Variants in ADGRB1 observed in about 807,000 individuals in gnomAD.
ADGRB1 encodes the protein adhesion G protein-coupled receptor B1.
Under a neutral mutation model 175.7 loss-of-function variants are expected in ADGRB1, and 36 were observed. The observed-to-expected ratio is 0.20, with a 90% CI of 0.16 to 0.27. The LOEUF is 0.27. Ranked by LOEUF, ADGRB1 falls within the 10% of genes least tolerant of loss-of-function variation. ADGRB1 has a pLI of 1.00. For synonymous variants in ADGRB1, 1,054 were observed against 979.4 expected, an observed-to-expected ratio of 1.08 and a Z score of -1.42; for missense variants, 1,731 against 2,255.3, an observed-to-expected ratio of 0.77 and a Z score of 4.71.
chr8:142,520,394 T>TTG (rs1843734114), intron 19 of ADGRB1, among the ~76,000 whole-genome samples: 1 of 48,150 alleles, frequency 2.1e-5, no homozygotes, highest in African/African-American at 7.2e-5. Context: ...ATGGTAGTGA[T>TTG]TGTGATGTTG....
At chr8:142,488,643 C>A in intron 14 of ADGRB1, 136 bp downstream of exon 14, 1 of 1,197,376 alleles carries the variant, frequency 8.4e-7, no homozygotes, top group Non-Finnish European at 1.1e-6. Context: ...TTCCAGGAAG[C>A]CCTCCTTGCC....
chr8:142,531,173 G>A (rs1365123410), intron 24 of ADGRB1, among the ~76,000 whole-genome samples: 2 of 152,184 alleles, frequency 1.3e-5, no homozygotes, highest in African/African-American at 2.4e-5. Flanking sequence ...CCAGGGTCCC[G>A]GCTCAAAGAA....
At chr8:142,513,538 C>T (rs146005276) in intron 18 of ADGRB1, among the ~76,000 whole-genome samples, 2 of 152,244 alleles carry the variant, frequency 1.3e-5, no homozygotes, top group Non-Finnish European at 2.9e-5. Flanking sequence ...CTTTGTCCAC[C>T]GTGCCGATCC....
At position 142,542,917 on chromosome 8, in the gene ADGRB1, C is replaced by A. The variant is rs1271427545; in HGVS notation, c.4413+270C>A. On this transcript the variant is annotated intron_variant, in intron 28 of 30. Transcript: ENST00000517894. This position sits in a 1 kb window ranked among gnomAD's most constrained non-coding sequence, Gnocchi z 6.3. The stretch of plus-strand genomic sequence containing the variant: ...CACGGAGCAGGACCTGCACCTCGCA[C>A]AGTCGCTAGTCCAGCCCTTGGGGCA... 6.6e-6 allele frequency among the ~76,000 whole-genome samples: 1 copy of A among 152,220 alleles called. No individual in the cohort carries two copies. Among genetic ancestry groups the A allele is most frequent in the East Asian group, 1.9e-4 (1 of 5,182 alleles).
chr8:142,488,996 G>A, intron 14 of ADGRB1, 39 bp from the exon 15 acceptor site: 1 of 1,599,778 alleles, frequency 6.3e-7, no homozygotes, highest in Middle Eastern at 1.7e-4. Context: ...CCTGGCTGTG[G>A]GGATGGCGGG....
intron 1 of ADGRB1, among the ~76,000 whole-genome samples, chr8:142,454,701 A>G (rs1160817087): frequency 6.6e-6 from 1 of 152,092 alleles, no homozygotes; most frequent in Non-Finnish European, 1.5e-5. Context: ...CTCGGGGTTA[A>G]GGTGAGGATC....
intron 2 of ADGRB1, among the ~76,000 whole-genome samples, chr8:142,466,969 A>AAG (rs1288717304): frequency 6.6e-6 from 1 of 152,224 alleles, no homozygotes; most frequent in Non-Finnish European, 1.5e-5. Context: ...CCCACTACTG[A>AAG]AGAGCTGGTC....
chr8:142,541,020 G>T (rs1845240843), intron 27 of ADGRB1, among the ~76,000 whole-genome samples: 1 of 152,110 alleles, frequency 6.6e-6, no homozygotes, highest in Non-Finnish European at 1.5e-5. Context: ...GCTGAAGGGA[G>T]CAGCTGGTGA....
Position 142,484,672 on chromosome 8 carries a change from A to G in ADGRB1, c.2216A>G (p.Lys739Arg), listed in dbSNP as rs752283431. ...GCCCTCCAGGCGGGCCCCAACGCCA[A>G]GGAGCTGTTCCGGCTGGTGGAGGAC... is the stretch of plus-strand genomic sequence containing the variant. The part of the protein sequence containing the change: ...EEAQLAGPNA[K>R]ELFRLVEDFV... The change falls in exon 13 of 31, where the codon AAG becomes AGG. Residue 739 changes from lysine (K) to arginine (R), a missense_variant. Transcript: ENST00000517894. 1.9e-5 allele frequency: 30 copies of G among 1,610,814 alleles called. No individual in the cohort carries two copies. Among genetic ancestry groups the G allele is most frequent in the Non-Finnish European group, 2.5e-5 (29 of 1,178,852 alleles).
intron 8 of ADGRB1, 44 bp downstream of exon 8, chr8:142,479,531 G>A (rs1563695228): frequency 6.6e-7 from 1 of 1,515,982 alleles, no homozygotes; most frequent in Non-Finnish European, 8.8e-7. Context: ...GAGGGCTGAT[G>A]GCGATTGGGC....
At chr8:142,454,153 C>T (rs759663837) in intron 1 of ADGRB1, among the ~76,000 whole-genome samples, 2 of 152,134 alleles carry the variant, frequency 1.3e-5, no homozygotes, top group Admixed American at 6.5e-5. Flanking sequence ...TCATAGGGCG[C>T]GTCAGGAGGC....
At chr8:142,521,939 C>A in intron 20 of ADGRB1, 26 bp from the exon 21 acceptor site, 1 of 1,561,268 alleles carries the variant, frequency 6.4e-7, no homozygotes, top group Non-Finnish European at 8.6e-7. Context: ...ACCTGCCCAG[C>A]CTGCCCCGCC....
At chr8:142,500,234 CA>C (rs1842429643) in intron 17 of ADGRB1, among the ~76,000 whole-genome samples, 12 of 130,376 alleles carry the variant, frequency 9.2e-5, no homozygotes, top group East Asian at 5.0e-4. Flanking sequence ...GCCGCTCCTC[CA>C]CCTCCCCACG....
chr8:142,471,448 G>A (rs1037280868), intron 2 of ADGRB1, among the ~76,000 whole-genome samples: 3 of 152,252 alleles, frequency 2.0e-5, no homozygotes, highest in Non-Finnish European at 4.4e-5. Flanking sequence ...CAAGGTCTCC[G>A]GGATGGGCCC....
At chr8:142,499,083 G>A (rs528959285) in intron 17 of ADGRB1, among the ~76,000 whole-genome samples, 1 of 152,368 alleles carries the variant, frequency 6.6e-6, no homozygotes, top group South Asian at 2.1e-4. Flanking sequence ...GCTGTGCCAA[G>A]TGGGGGAGCC....
At chr8:142,498,419 G>A (rs1021103192) in intron 17 of ADGRB1, among the ~76,000 whole-genome samples, 1 of 152,138 alleles carries the variant, frequency 6.6e-6, no homozygotes, top group African/African-American at 2.4e-5. Context: ...GGCTGCCCAG[G>A]ACGCAGCTGT....
chr8:142,544,085 TCCTGTCCCCTGTCC>T, intron 30 of ADGRB1, 121 bp from the exon 31 acceptor site: 1 of 934,430 alleles, frequency 1.1e-6, no homozygotes, highest in Non-Finnish European at 1.6e-6. Context: ...GAAAGCCTCA[TCCTGTCCCCTGTCC>T]CCTGTCCCCC....
intron 14 of ADGRB1, 62 bp downstream of exon 14, chr8:142,488,569 G>T: frequency 3.2e-5 from 51 of 1,588,242 alleles, no homozygotes; most frequent in Non-Finnish European, 4.4e-5. Context: ...GAGTCGGACG[G>T]TCACCACCCT....
At chr8:142,507,484 T>C (rs567663739) in intron 17 of ADGRB1, among the ~76,000 whole-genome samples, 209 of 152,336 alleles carry the variant, frequency 1.4e-3, no homozygotes, top group African/African-American at 4.7e-3. Flanking sequence ...TTCCATGGCC[T>C]GACCCTCAGC....
Sources: allele counts gnomAD v4.1 joint callset (sites outside exome capture counted in the v4.1 genomes callset), GRCh38; gene constraint gnomAD v4.1.1; non-coding constraint Gnocchi (gnomAD v3.1); transcripts MANE v1.5; gene names NCBI Gene and HGNC (gene_info 2026-07-23, HGNC 2026-07-21).